The following KIF17 variants were observed in gnomAD, a reference collection of about 807,000 sequenced individuals.
KIF17 encodes the protein kinesin family member 17.
In KIF17, 80 loss-of-function variants were observed where a neutral mutation model predicts 96.8. The ratio of observed to expected loss-of-function variants is 0.83; its 90% CI spans 0.69 to 1.00. The LOEUF is 1.00. Among genes scored for constraint, KIF17 ranks in the 50% least tolerant of loss-of-function variants. The probability of loss-of-function intolerance (pLI) is 0.00; values close to 1 mark genes in which losing one functional copy is unlikely to be tolerated. For missense variants in KIF17, 1,280 were observed against 1,372.9 expected, an observed-to-expected ratio of 0.93 and a Z score of 1.07; for synonymous variants, 567 against 587.5, an observed-to-expected ratio of 0.97 and a Z score of 0.51.
chr1:20,694,704 A>G (rs1382999020), intron 6 of KIF17, among the ~76,000 whole-genome samples: 1 of 152,204 alleles, frequency 6.6e-6, no homozygotes, highest in African/African-American at 2.4e-5. Context: ...AGATGTAACC[A>G]CGCATTCTTT....
intron 5 of KIF17, among the ~76,000 whole-genome samples, chr1:20,703,930 CAAA>C (rs5772915): frequency 2.8e-5 from 4 of 141,752 alleles, no homozygotes; most frequent in Non-Finnish European, 3.1e-5. Flanking sequence ...GACTCCGTCT[CAAA>C]AAAAAAAAAA....
At chr1:20,711,373 A>G (rs1570481733) in intron 3 of KIF17, among the ~76,000 whole-genome samples, 1 of 152,134 alleles carries the variant, frequency 6.6e-6, no homozygotes, top group East Asian at 1.9e-4. Context: ...CCGCGCTCCC[A>G]ACCCCACTCC....
chr1:20,698,915 T>G (rs2054188025), intron 5 of KIF17, among the ~76,000 whole-genome samples: 1 of 152,120 alleles, frequency 6.6e-6, no homozygotes, highest in Non-Finnish European at 1.5e-5. Context: ...GGAGGGTGCT[T>G]GGGAGTCAGA....
At chr1:20,667,163 G>A (rs1377528742) in intron 13 of KIF17, among the ~76,000 whole-genome samples, 5 of 152,210 alleles carry the variant, frequency 3.3e-5, no homozygotes, top group Non-Finnish European at 7.3e-5. Context: ...AGGTGAGCAA[G>A]TGAAGCTTCA....
At chr1:20,678,899 A>G (rs1476343668) in intron 11 of KIF17, among the ~76,000 whole-genome samples, 1 of 151,938 alleles carries the variant, frequency 6.6e-6, no homozygotes, top group Non-Finnish European at 1.5e-5. Flanking sequence ...CTGCAGAAAC[A>G]AGAGAAAACC....
rs1173681123 is a variant in KIF17, at chr1:20,664,041, CTT to C, written c.*541_*542del. 1 of 177,924 alleles carries C rather than the reference CTT, an allele frequency of 5.6e-6. No individual in the cohort carries two copies. The highest frequency in any genetic ancestry group is 2.3e-5 in the African/African-American group (1 of 42,734). The allele number at this position is 177,924 out of a possible 1,614,324, so 11.0% of individuals were successfully genotyped here. A position where few individuals can be genotyped will look rare whatever the true frequency, so the allele number is the denominator to read the frequency against. On this transcript the variant is annotated 3_prime_UTR_variant, in exon 15 of 15. Transcript: ENST00000400463. Reference sequence around the variant, plus strand: ...ATCTTAAAAGCAGTTTATTGGGCAGCTTAATGTGGAGTGGCCTTCCTTGGGCC... The same window carrying C: ...ATCTTAAAAGCAGTTTATTGGGCAGCAATGTGGAGTGGCCTTCCTTGGGCC...
rs750546120 is a variant in KIF17, at chr1:20,690,277, C to T, written c.1292G>A (p.Arg431Gln). 6.5e-6 allele frequency: 10 copies of T among 1,544,916 alleles called. No homozygotes were observed. The South Asian group carries it at 6.7e-5, about 10-fold the overall frequency. ...KADYKAEQES[R>Q]ARLEEDITAM... Reference sequence around the variant, plus strand: ...AGTGATGTCTTCCTCCAGCCTGGCCCGAGACTCCTGCTCGGCCTTATAGTC... The same window carrying T: ...AGTGATGTCTTCCTCCAGCCTGGCCTGAGACTCCTGCTCGGCCTTATAGTC... The change falls in exon 7 of 15, where the codon CGG becomes CAG. Residue 431 changes from arginine (R) to glutamine (Q), a missense_variant. Transcript: ENST00000400463.
At chr1:20,669,566 A>AT (rs71010592) in intron 13 of KIF17, among the ~76,000 whole-genome samples, 1 of 105,256 alleles carries the variant, frequency 9.5e-6, no homozygotes, top group Non-Finnish European at 2.1e-5. Flanking sequence ...AATAATAATA[A>AT]ATAAAATAAA....
At chr1:20,711,587 A>T (rs1366193978) in intron 3 of KIF17, among the ~76,000 whole-genome samples, 3 of 152,132 alleles carry the variant, frequency 2.0e-5, no homozygotes, top group Non-Finnish European at 4.4e-5. Context: ...CTTTGCCTGG[A>T]CATGGGTGGG....
At chr1:20,703,834 G>C (rs2054289215) in intron 5 of KIF17, among the ~76,000 whole-genome samples, 1 of 152,112 alleles carries the variant, frequency 6.6e-6, no homozygotes, top group East Asian at 1.9e-4. Flanking sequence ...AGAAGGCTGA[G>C]GCAGGAGAAT....
intron 3 of KIF17, among the ~76,000 whole-genome samples, chr1:20,710,731 G>A (rs1286080161): frequency 1.3e-5 from 2 of 152,164 alleles, no homozygotes; most frequent in Non-Finnish European, 2.9e-5. Flanking sequence ...GGCGTGGGTG[G>A]GGGTCGGGGC....
intron 11 of KIF17, among the ~76,000 whole-genome samples, chr1:20,678,894 G>A (rs2053782083): frequency 6.9e-6 from 1 of 145,072 alleles, no homozygotes; most frequent in South Asian, 2.2e-4. Context: ...AAGTCCTGCA[G>A]AAACAAGAGA....
chr1:20,715,665 G>A (rs547336844), intron 1 of KIF17, 26 bp from the exon 2 acceptor site: 23 of 1,613,472 alleles, frequency 1.4e-5, no homozygotes, highest in Admixed American at 8.3e-5. Flanking sequence ...GCAGGACCCC[G>A]TGCTCAGTGG....
At chr1:20,684,202 G>A (rs1044313337) in intron 10 of KIF17, among the ~76,000 whole-genome samples, 2 of 152,254 alleles carry the variant, frequency 1.3e-5, no homozygotes, top group African/African-American at 4.8e-5. Context: ...GCCCTGGCCT[G>A]TGGGCCCTTG....
chr1:20,684,737 G>A lies in KIF17; in HGVS notation c.2231+72C>T, dbSNP rs775465199. On this transcript the variant is annotated intron_variant, in intron 10 of 14. Transcript: ENST00000400463. ...GCTGGGAGGAAGCTATGGCACCCCC[G>A]CCTCCATCCTGGAAGGCAGCCCCTT... The A allele has an allele frequency of 1.9e-4, 273 of 1,436,786 alleles. 1 individual carries two copies. The highest frequency in any genetic ancestry group is 2.6e-4 in the Admixed American group (13 of 50,762). The allele number at this position is 1,436,786 out of a possible 1,614,324, so 89.0% of individuals were successfully genotyped here.
At chr1:20,671,827 G>T in intron 12 of KIF17, 111 bp downstream of exon 12, 1 of 1,326,382 alleles carries the variant, frequency 7.5e-7, no homozygotes, top group Non-Finnish European at 1.0e-6. Context: ...CCAGGGTCAC[G>T]TGTCTTCTAC....
chr1:20,693,160 G>C (rs575644230), intron 6 of KIF17: 9 of 151,878 alleles, frequency 5.9e-5, no homozygotes, highest in Admixed American at 5.9e-4. Context: ...CCTTGGAAGA[G>C]AATCTCCTCT....
chr1:20,685,294 A>C lies in KIF17; in HGVS notation c.2020-274T>G. ...CCACAGGCAGCCAGGGCCATCTTAA[A>C]ATAGAAACCGATCACATCCCGTTCC... On this transcript the variant is annotated intron_variant, in intron 9 of 14. Transcript: ENST00000400463. This position sits in a 1 kb window ranked among gnomAD's most constrained non-coding sequence, Gnocchi z 4.1. 1.6e-6 allele frequency: 1 copy of C among 638,780 alleles called. No individual in the cohort carries two copies. The highest frequency in any genetic ancestry group is 2.9e-6 in the Non-Finnish European group (1 of 343,772). 39.6% of individuals were successfully genotyped at this position (638,780 alleles called of 1,614,324 possible).
chr1:20,685,190 A>C lies in KIF17; in HGVS notation c.2020-170T>G. 1.4e-6 allele frequency: 1 copy of C among 712,212 alleles called. No individual in the cohort carries two copies. Among genetic ancestry groups the C allele is most frequent in the East Asian group, 2.7e-5 (1 of 37,184 alleles). The allele number at this position is 712,212 out of a possible 1,614,324, so 44.1% of individuals were successfully genotyped here. A position where few individuals can be genotyped will look rare whatever the true frequency, so the allele number is the denominator to read the frequency against. On this transcript the variant is annotated intron_variant, in intron 9 of 14. Transcript: ENST00000400463. The surrounding 1 kb of genome is among the most constrained non-coding windows in gnomAD (Gnocchi z 4.1). ...CAAAAACACGCCCTGTTGAGTTCTT[A>C]CTGCCGCTATTCCCACTGACACCCC...
Sources: allele counts gnomAD v4.1 joint callset (sites outside exome capture counted in the v4.1 genomes callset), GRCh38; gene constraint gnomAD v4.1.1; non-coding constraint Gnocchi (gnomAD v3.1); transcripts MANE v1.5; gene names NCBI Gene and HGNC (gene_info 2026-07-23, HGNC 2026-07-21).